Variants in GFRA1 observed in about 807,000 individuals in gnomAD.
GFRA1 encodes the protein GDNF family receptor alpha 1.
In GFRA1, 16 loss-of-function variants were observed where a neutral mutation model predicts 51.6. The observed-to-expected ratio is 0.31, with a 90% CI of 0.21 to 0.47. GFRA1 has a LOEUF of 0.47. Among genes scored for constraint, GFRA1 ranks in the 20% least tolerant of loss-of-function variants. The pLI is 1.00. For synonymous variants in GFRA1, 270 were observed against 241.3 expected, an observed-to-expected ratio of 1.12 and a Z score of -1.10; for missense variants, 530 against 594.3, an observed-to-expected ratio of 0.89 and a Z score of 1.13.
intron 6 of GFRA1, among the ~76,000 whole-genome samples, chr10:116,100,257 T>C (rs1956765399): frequency 6.6e-6 from 1 of 152,178 alleles, no homozygotes; most frequent in Admixed American, 6.5e-5. Context: ...TTTAACGACT[T>C]AACATGTATT....
chr10:116,094,785 C>T lies in GFRA1; in HGVS notation c.881-949G>A, dbSNP rs537645911. Among the ~76,000 whole-genome samples, 13 of 152,248 alleles carry T rather than the reference C, an allele frequency of 8.5e-5. No individual in the cohort carries two copies. The South Asian group carries it at 1.2e-3, about 15-fold the overall frequency. On this transcript the variant is annotated intron_variant, in intron 7 of 10. Coordinates refer to ENST00000355422, the MANE Select transcript of GFRA1 (RefSeq NM_005264.8). ...TTTACTGACATGAACTAAATAACAT[C>T]GCATTATACCTTGGGATGAACATTT...
At chr10:116,266,979 TA>T (rs896968290) in intron 4 of GFRA1, among the ~76,000 whole-genome samples, 23 of 151,936 alleles carry the variant, frequency 1.5e-4, no homozygotes, top group Non-Finnish European at 3.2e-4. Context: ...AAAATGAGTG[TA>T]AAAAAACTCC....
intron 5 of GFRA1, among the ~76,000 whole-genome samples, chr10:116,180,978 C>T (rs1962160263): frequency 1.3e-5 from 2 of 152,150 alleles, no homozygotes; most frequent in Admixed American, 6.5e-5. Context: ...CAATCTTCTC[C>T]ATCCTTCTAA....
At chr10:116,084,757 AAGTAAC>A (rs1403057028) in intron 9 of GFRA1, among the ~76,000 whole-genome samples, 1 of 104,902 alleles carries the variant, frequency 9.5e-6, no homozygotes, top group East Asian at 2.2e-4. Context: ...TACTTTAAAT[AAGTAAC>A]ACACACACAC....
intron 5 of GFRA1, among the ~76,000 whole-genome samples, chr10:116,143,000 C>T (rs989407419): frequency 2.6e-5 from 4 of 152,216 alleles, no homozygotes; most frequent in African/African-American, 9.6e-5. Context: ...CCACTTCCCA[C>T]TCTGACGGGC....
intron 4 of GFRA1, among the ~76,000 whole-genome samples, chr10:116,251,601 A>G (rs1310536303): frequency 6.6e-6 from 1 of 152,218 alleles, no homozygotes; most frequent in Non-Finnish European, 1.5e-5. Context: ...TGATGCATAC[A>G]AAGAATATCT....
chr10:116,089,107 C>T (rs761395442), intron 9 of GFRA1, among the ~76,000 whole-genome samples: 1 of 152,100 alleles, frequency 6.6e-6, no homozygotes, highest in South Asian at 2.1e-4. Flanking sequence ...GTTCTGCCCT[C>T]GCAGACCTGG....
At chr10:116,171,353 ACT>A (rs2134229088) in intron 5 of GFRA1, among the ~76,000 whole-genome samples, 1 of 152,304 alleles carries the variant, frequency 6.6e-6, no homozygotes, top group African/African-American at 2.4e-5. Context: ...CAGACGCTAA[ACT>A]CGGAGCAACT....
chr10:116,270,524 G>A (rs895062697), intron 3 of GFRA1, among the ~76,000 whole-genome samples: 5 of 152,186 alleles, frequency 3.3e-5, no homozygotes, highest in Admixed American at 1.3e-4. Flanking sequence ...GGTTCCTTGG[G>A]GCCCTTTAGT....
chr10:116,235,368 CCT>C (rs1191890128), intron 4 of GFRA1, among the ~76,000 whole-genome samples: 1 of 152,146 alleles, frequency 6.6e-6, no homozygotes, highest in African/African-American at 2.4e-5. Context: ...GTGCCTATTC[CCT>C]CTTTGCCTAA....
At chr10:116,232,247 GTGATTTCA>G (rs1269554312) in intron 4 of GFRA1, among the ~76,000 whole-genome samples, 2 of 152,142 alleles carry the variant, frequency 1.3e-5, no homozygotes, top group Non-Finnish European at 2.9e-5. Context: ...AAAAACACCA[GTGATTTCA>G]TCCTCCCAAG....
intron 5 of GFRA1, among the ~76,000 whole-genome samples, chr10:116,206,201 T>C (rs988237239): frequency 6.6e-6 from 1 of 152,254 alleles, no homozygotes; most frequent in African/African-American, 2.4e-5. Flanking sequence ...GTGGTAAAAA[T>C]AGATTTCATT....
chr10:116,265,197 C>T (rs1969567821), intron 4 of GFRA1, among the ~76,000 whole-genome samples: 1 of 152,154 alleles, frequency 6.6e-6, no homozygotes, highest in African/African-American at 2.4e-5. Flanking sequence ...CCGGAAAGGT[C>T]AAAGCCACTC....
At chr10:116,065,131 C>T (rs1955038781) in intron 10 of GFRA1, among the ~76,000 whole-genome samples, 1 of 152,142 alleles carries the variant, frequency 6.6e-6, no homozygotes, top group South Asian at 2.1e-4. Context: ...AAACCAGGGC[C>T]CACACACAGC....
chr10:116,064,451 C>T lies in GFRA1; in HGVS notation c.1345G>A (p.Val449Ile). ...GTGGACAGAGCGGTTACCACCAGGA[C>T]CAGCAGTGGGCTCAGACCACAGCTT... ...PPSCGLSPLL[V>I]LVVTALSTLL... is the part of the protein sequence containing the mutation. The change falls in exon 11 of 11, where the codon GTC (valine) becomes ATC (isoleucine). Residue 449 changes from valine (V) to isoleucine (I), a missense_variant. By Grantham distance (29) the Val-to-Ile change is conservative. Coordinates refer to ENST00000355422, the MANE Select transcript of GFRA1 (RefSeq NM_005264.8). The T allele has an allele frequency of 6.2e-7, 1 of 1,613,212 alleles. No individual in the cohort carries two copies. The highest frequency in any genetic ancestry group is 8.5e-7 in the Non-Finnish European group (1 of 1,179,744).
chr10:116,186,400 G>A (rs1178189091), intron 5 of GFRA1, among the ~76,000 whole-genome samples: 1 of 152,142 alleles, frequency 6.6e-6, no homozygotes, highest in Admixed American at 6.6e-5. Context: ...AGCTCCTAAC[G>A]ACTGATGTGC....
intron 4 of GFRA1, among the ~76,000 whole-genome samples, chr10:116,240,048 C>T (rs1424815466): frequency 1.3e-5 from 2 of 151,970 alleles, no homozygotes; most frequent in Non-Finnish European, 1.5e-5. Context: ...AGGTGTTCGT[C>T]GATTTCTCTA....
At chr10:116,189,387 G>A (rs1963045701) in intron 5 of GFRA1, among the ~76,000 whole-genome samples, 1 of 152,072 alleles carries the variant, frequency 6.6e-6, no homozygotes, top group South Asian at 2.1e-4. Context: ...GCCCCAGCAT[G>A]CTCTTTGGTG....
intron 9 of GFRA1, among the ~76,000 whole-genome samples, chr10:116,067,492 C>T (rs1300300906): frequency 1.3e-5 from 2 of 152,180 alleles, no homozygotes; most frequent in Admixed American, 1.3e-4. Flanking sequence ...CCTGAGTGTC[C>T]TAGACCACAG....
Sources: allele counts gnomAD v4.1 joint callset (sites outside exome capture counted in the v4.1 genomes callset), GRCh38; gene constraint gnomAD v4.1.1; transcripts MANE v1.5; gene names NCBI Gene and HGNC (gene_info 2026-07-23, HGNC 2026-07-21).